The following KLF8 variants were observed in gnomAD, a reference collection of about 807,000 sequenced individuals.
KLF8 encodes Krueppel-like factor 8.
Under a neutral mutation model 18.2 loss-of-function variants are expected in KLF8, and 10 were observed. The ratio of observed to expected loss-of-function variants is 0.55; its 90% CI spans 0.34 to 0.93. The LOEUF is 0.93. Among genes scored for constraint, KLF8 ranks in the 40% least tolerant of loss-of-function variants. The pLI is 0.02. For synonymous variants in KLF8, 109 were observed against 97.3 expected (o/e 1.12, Z -0.71); for missense variants, 264 against 277.9 (o/e 0.95, Z 0.36).
the KLF8 span, among the ~76,000 whole-genome samples, chrX:55,913,688 C>T: frequency 3.6e-5 from 4 of 111,798 alleles, no homozygotes; most frequent in African/African-American, 9.7e-5. Context: ...ATCGTTTAAA[C>T]GAACCAGTTG....
chrX:56,134,201 C>A, the KLF8 span, among the ~76,000 whole-genome samples: 3 of 111,060 alleles, frequency 2.7e-5, no homozygotes, highest in Admixed American at 2.9e-4. Context: ...AAAAATTTTG[C>A]ATAGCCAAAG....
At chrX:55,946,381 G>C in the KLF8 span, among the ~76,000 whole-genome samples, 1 of 111,519 alleles carries the variant, frequency 9.0e-6, no homozygotes. Context: ...AACAAGAAAT[G>C]GGGAAAGGAT....
the KLF8 span, among the ~76,000 whole-genome samples, chrX:56,053,171 A>C: frequency 1.8e-5 from 2 of 111,617 alleles, no homozygotes; most frequent in African/African-American, 6.5e-5. Flanking sequence ...ACTGTCTGGC[A>C]CTCCCTAGTG....
chrX:56,003,940 G>T, the KLF8 span, among the ~76,000 whole-genome samples: 2 of 112,346 alleles, frequency 1.8e-5, no homozygotes, highest in Non-Finnish European at 3.8e-5. Context: ...AATTGACCTT[G>T]TGTAGTTTTT....
At chrX:56,274,379 G>A (rs1391305057) in intron 5 of KLF8, among the ~76,000 whole-genome samples, 3 of 111,768 alleles carry the variant, frequency 2.7e-5, no homozygotes, top group Non-Finnish European at 5.6e-5. Context: ...CTCCTATAGA[G>A]TTTTTTGAAC....
the KLF8 span, among the ~76,000 whole-genome samples, chrX:56,151,570 T>A: frequency 9.0e-6 from 1 of 110,786 alleles, no homozygotes; most frequent in Admixed American, 9.7e-5. Context: ...TGTAACTGGA[T>A]GTGTGATGGT....
the KLF8 span, among the ~76,000 whole-genome samples, chrX:56,026,546 C>G: frequency 1.8e-5 from 2 of 112,019 alleles, no homozygotes; most frequent in African/African-American, 6.5e-5. Flanking sequence ...TTAATCCTGT[C>G]TCTTGACATA....
chrX:55,911,145 G>A, the KLF8 span, among the ~76,000 whole-genome samples: 4 of 112,130 alleles, frequency 3.6e-5, no homozygotes, highest in African/African-American at 9.7e-5. Context: ...AAAATCGTAA[G>A]CAAGAGAAAA....
chrX:56,282,110 A>C (rs1190231733), intron 5 of KLF8, among the ~76,000 whole-genome samples: 1 of 112,476 alleles, frequency 8.9e-6, no homozygotes. Flanking sequence ...GATGCTATAA[A>C]ATCACATAGA....
the KLF8 span, among the ~76,000 whole-genome samples, chrX:56,138,945 C>A: frequency 1.7e-4 from 19 of 111,092 alleles, no homozygotes; most frequent in Non-Finnish European, 3.2e-4. Flanking sequence ...AAAGCCCCTA[C>A]GTCTTATAAA....
the KLF8 span, among the ~76,000 whole-genome samples, chrX:55,988,690 T>C: frequency 9.0e-6 from 1 of 111,500 alleles, no homozygotes; most frequent in Admixed American, 9.5e-5. Context: ...TGTGGGCTCT[T>C]TTTTGGTTCC....
chrX:56,250,111 G>A (rs2066683698), intron 1 of KLF8, 120 bp from the exon 2 acceptor site: 1 of 492,784 alleles, frequency 2.0e-6, no homozygotes, highest in Non-Finnish European at 3.4e-6. Context: ...TGACTTATCA[G>A]TATCTGGTAA....
At chrX:55,960,017 G>C in the KLF8 span, among the ~76,000 whole-genome samples, 1 of 111,746 alleles carries the variant, frequency 8.9e-6, no homozygotes, top group East Asian at 2.8e-4. Context: ...CATGTACAAA[G>C]GGAACCCCAT....
At chrX:56,080,210 T>C in the KLF8 span, among the ~76,000 whole-genome samples, 1 of 110,902 alleles carries the variant, frequency 9.0e-6, no homozygotes, top group Non-Finnish European at 1.9e-5. Flanking sequence ...GTTGGTTATT[T>C]TGCTCGTTAG....
the KLF8 span, among the ~76,000 whole-genome samples, chrX:55,956,190 A>G: frequency 2.1e-5 from 2 of 96,911 alleles, no homozygotes; most frequent in African/African-American, 1.1e-4. Flanking sequence ...CTATCTATCT[A>G]TGTATCTATC....
At chrX:55,944,023 C>T in the KLF8 span, among the ~76,000 whole-genome samples, 7 of 111,790 alleles carry the variant, frequency 6.3e-5, no homozygotes, top group East Asian at 2.0e-3. Flanking sequence ...GAATAGACTC[C>T]TTGAGAGTTT....
At chrX:56,206,167 G>T in the KLF8 span, among the ~76,000 whole-genome samples, 1 of 110,921 alleles carries the variant, frequency 9.0e-6, no homozygotes, top group Non-Finnish European at 1.9e-5. Flanking sequence ...TGACACATGG[G>T]GATTATTACA....
the KLF8 span, among the ~76,000 whole-genome samples, chrX:55,958,365 T>C: frequency 8.9e-6 from 1 of 112,115 alleles, no homozygotes. Context: ...TGAGACACTG[T>C]TGCAGCATCA....
the KLF8 span, among the ~76,000 whole-genome samples, chrX:56,184,372 G>C: frequency 8.9e-6 from 1 of 112,528 alleles, no homozygotes; most frequent in African/African-American, 3.2e-5. Context: ...CAGCCAGGAA[G>C]CTCGAACTGG....
Sources: gnomAD v4.1 joint callset for allele counts (sites outside exome capture counted in the v4.1 genomes callset) on GRCh38, gnomAD v4.1.1 for gene constraint, MANE v1.5 for transcripts, NCBI Gene and HGNC (gene_info 2026-07-23, HGNC 2026-07-21) for gene names.